Variants in DOCK2 observed in about 807,000 individuals in gnomAD.
The protein encoded by DOCK2 is dedicator of cytokinesis protein 2.
A neutral mutation model predicts 248.9 loss-of-function variants in DOCK2; 87 were observed. The ratio of observed to expected loss-of-function variants is 0.35; its 90% CI spans 0.29 to 0.42. The LOEUF is 0.42. Among genes scored for constraint, DOCK2 ranks in the 10% least tolerant of loss-of-function variants. The probability of loss-of-function intolerance (pLI) is 1.00; values close to 1 mark genes in which losing one functional copy is unlikely to be tolerated. For synonymous variants in DOCK2, 805 were observed against 821.6 expected (o/e 0.98, Z 0.35); for missense variants, 1,747 against 2,300.2 (o/e 0.76, Z 4.92).
At chr5:169,685,924 A>G (rs1759947668) in intron 8 of DOCK2, among the ~76,000 whole-genome samples, 1 of 152,246 alleles carries the variant, frequency 6.6e-6, no homozygotes, top group African/African-American at 2.4e-5. Flanking sequence ...TAAGTCTGTC[A>G]CCAAGGAATG....
intron 15 of DOCK2, among the ~76,000 whole-genome samples, chr5:169,709,297 G>A (rs1025567652): frequency 6.6e-6 from 1 of 152,180 alleles, no homozygotes; most frequent in Non-Finnish European, 1.5e-5. Context: ...GGAGAAGGCA[G>A]AGGGAAGGTA....
intron 27 of DOCK2, among the ~76,000 whole-genome samples, chr5:169,860,397 A>G (rs1339692456): frequency 6.6e-6 from 1 of 152,068 alleles, no homozygotes; most frequent in Non-Finnish European, 1.5e-5. Flanking sequence ...ACCTGGCCCA[A>G]TGTGTACCCT....
chr5:169,759,882 G>A lies in DOCK2; in HGVS notation c.2447+107G>A, dbSNP rs113706256. ...CCAGATGGGCACTCAGCTTGGGGAT[G>A]GGGAAGACCTGTGGCAGGGGATGTT... is the stretch of plus-strand genomic sequence containing the variant. On this transcript the variant is annotated intron_variant, in intron 24 of 51. Transcript: ENST00000520908. 94 of 1,207,226 alleles carry A rather than the reference G, an allele frequency of 7.8e-5. 1 individual carries two copies. In the African/African-American group the frequency reaches 1.2e-3, roughly 15 times the overall value. The allele number at this position is 1,207,226 out of a possible 1,614,324, so 74.8% of individuals were successfully genotyped here. A position where few individuals can be genotyped will look rare whatever the true frequency, so the allele number is the denominator to read the frequency against.
intron 22 of DOCK2, 114 bp from the exon 23 acceptor site, chr5:169,747,282 C>A: frequency 2.3e-6 from 2 of 870,800 alleles, no homozygotes; most frequent in Admixed American, 2.9e-5. Flanking sequence ...TCCTTGAAGT[C>A]CCCACCTCCC....
intron 40 of DOCK2, among the ~76,000 whole-genome samples, chr5:170,048,668 A>C (rs535718144): frequency 6.6e-6 from 1 of 152,342 alleles, no homozygotes; most frequent in South Asian, 2.1e-4. Context: ...AATGAAAAGG[A>C]TAAATAACAG....
At chr5:169,906,976 G>T (rs1366796635) in intron 27 of DOCK2, among the ~76,000 whole-genome samples, 1 of 152,164 alleles carries the variant, frequency 6.6e-6, no homozygotes, top group Admixed American at 6.5e-5. Flanking sequence ...TATGAGTCAG[G>T]CACTGTCCTA....
chr5:169,693,562 A>G (rs1052765583), intron 9 of DOCK2, among the ~76,000 whole-genome samples: 1 of 152,234 alleles, frequency 6.6e-6, no homozygotes, highest in Non-Finnish European at 1.5e-5. Flanking sequence ...GGAGTCAGGC[A>G]GGCCAGAGAC....
At chr5:169,809,845 C>G (rs956719383) in intron 26 of DOCK2, among the ~76,000 whole-genome samples, 1 of 152,236 alleles carries the variant, frequency 6.6e-6, no homozygotes, top group Admixed American at 6.5e-5. Context: ...ATCACCTCTG[C>G]TCTTAGCCTA....
chr5:169,928,329 C>T (rs964190688), intron 27 of DOCK2, among the ~76,000 whole-genome samples: 7 of 152,366 alleles, frequency 4.6e-5, no homozygotes, highest in African/African-American at 1.7e-4. Context: ...TGACCAGTGG[C>T]AGTGCTGCCT....
intron 40 of DOCK2, 91 bp from the exon 41 acceptor site, chr5:170,050,165 C>T (rs1756864956): frequency 6.6e-7 from 1 of 1,516,820 alleles, no homozygotes; most frequent in African/African-American, 1.4e-5. Context: ...TCCCCATGGA[C>T]CGTGGTCATT....
chr5:169,674,865 G>T (rs922559374), intron 6 of DOCK2, among the ~76,000 whole-genome samples: 1 of 152,116 alleles, frequency 6.6e-6, no homozygotes, highest in African/African-American at 2.4e-5. Flanking sequence ...TAACTCAAAT[G>T]CACAATTACA....
intron 2 of DOCK2, among the ~76,000 whole-genome samples, chr5:169,655,276 C>T (rs983702359): frequency 6.6e-6 from 1 of 152,176 alleles, no homozygotes; most frequent in Non-Finnish European, 1.5e-5. Context: ...CTGCTGATAC[C>T]TCCTGCTGCA....
intron 22 of DOCK2, among the ~76,000 whole-genome samples, chr5:169,733,153 CTT>C (rs1205264475): frequency 2.0e-5 from 3 of 152,078 alleles, no homozygotes; most frequent in Admixed American, 1.3e-4. Context: ...TTCTCCCTTT[CTT>C]TTTTTGGGAT....
At chr5:169,770,033 G>A (rs1765000383) in intron 25 of DOCK2, among the ~76,000 whole-genome samples, 1 of 152,166 alleles carries the variant, frequency 6.6e-6, no homozygotes, top group African/African-American at 2.4e-5. Context: ...AATGGCCAGT[G>A]TCCCTTTAAG....
intron 46 of DOCK2, chr5:170,075,745 T>A: frequency 1.6e-6 from 1 of 639,328 alleles, no homozygotes; most frequent in Non-Finnish European, 2.6e-6. Flanking sequence ...GGGGTCTTTC[T>A]CTCCTTTCCA....
chr5:169,857,625 G>A (rs1169349129), intron 27 of DOCK2, among the ~76,000 whole-genome samples: 2 of 151,910 alleles, frequency 1.3e-5, no homozygotes, highest in African/African-American at 4.8e-5. Context: ...TCTATAAAGA[G>A]CTGAGACTAG....
rs1351313609 is a variant in DOCK2, at chr5:170,042,149, C to T, written c.3876+17C>T. 4 of 1,598,648 alleles carry T rather than the reference C, an allele frequency of 2.5e-6. No homozygotes were observed. The highest frequency in any genetic ancestry group is 1.7e-5 in the Admixed American group (1 of 58,278). On this transcript the variant is annotated intron_variant, in intron 38 of 51. Coordinates refer to ENST00000520908, the MANE Select transcript of DOCK2 (RefSeq NM_004946.3). ...AAAGGAAAGGTAATCTGTCCCTGCCCACCCCCCGTGGGGACCCTGGCCACT... is the reference window on the plus strand; with the variant it reads ...AAAGGAAAGGTAATCTGTCCCTGCCTACCCCCCGTGGGGACCCTGGCCACT...
Position 169,747,453 on chromosome 5 carries a change from A to G in DOCK2, c.2325A>G (p.Glu775=), listed in dbSNP as rs1277617328. 4 of 1,613,748 alleles carry G rather than the reference A, an allele frequency of 2.5e-6. No homozygotes were observed. The highest frequency in any genetic ancestry group is 3.4e-6 in the Non-Finnish European group (4 of 1,179,858). Residue 775 remains glutamate (E), a synonymous_variant, in exon 23 of 52, where the codon GAA becomes GAG. Coordinates refer to ENST00000520908, the MANE Select transcript of DOCK2 (RefSeq NM_004946.3). ...EFEESMRRLF[E]SINNLMKSQY... is the part of the protein sequence containing the mutation. ...AAGAATCCATGAGACGGCTCTTTGA[A>G]TCCATCAACAATCTGATGAAAAGTC...
intron 23 of DOCK2, among the ~76,000 whole-genome samples, chr5:169,750,508 A>G (rs1266159355): frequency 6.6e-6 from 1 of 152,234 alleles, no homozygotes; most frequent in Non-Finnish European, 1.5e-5. Context: ...AAAAGAACAA[A>G]TTATAAAATG....
Sources: allele counts gnomAD v4.1 joint callset (sites outside exome capture counted in the v4.1 genomes callset), GRCh38; gene constraint gnomAD v4.1.1; transcripts MANE v1.5; gene names NCBI Gene and HGNC (gene_info 2026-07-23, HGNC 2026-07-21).